RBFOX1: variants seen among roughly 807,000 people sequenced by gnomAD.
RBFOX1 encodes the protein RNA binding protein fox-1 homolog 1.
Under a neutral mutation model 57.7 loss-of-function variants are expected in RBFOX1, and 8 were observed. The observed-to-expected ratio is 0.14, with a 90% CI of 0.08 to 0.25. RBFOX1 has a LOEUF of 0.25. Ranked by LOEUF, RBFOX1 falls within the 10% of genes least tolerant of loss-of-function variation. The pLI is 1.00. For synonymous variants in RBFOX1, 326 were observed against 222.4 expected, an observed-to-expected ratio of 1.47 and a Z score of -4.15; for missense variants, 611 against 548.5, an observed-to-expected ratio of 1.11 and a Z score of -1.14.
At chr16:6,214,659 G>T (rs1205499396) in intron 1 of RBFOX1, among the ~76,000 whole-genome samples, 3 of 130,116 alleles carry the variant, frequency 2.3e-5, no homozygotes, top group Non-Finnish European at 3.3e-5. Context: ...GGGAGAGAGG[G>T]AGAAGGAGAG....
intron 1 of RBFOX1, among the ~76,000 whole-genome samples, chr16:6,138,866 C>G (rs143001992): frequency 6.6e-6 from 1 of 152,026 alleles, no homozygotes; most frequent in South Asian, 2.1e-4. Flanking sequence ...GGCTCCGTCT[C>G]AAATAAATAA....
intron 10 of RBFOX1, among the ~76,000 whole-genome samples, chr16:7,630,131 C>T (rs773643594): frequency 2.6e-5 from 4 of 151,894 alleles, no homozygotes; most frequent in Non-Finnish European, 4.4e-5. Context: ...GGTACGTCTC[C>T]AGTCATATGA....
chr16:7,379,288 C>T (rs1268234858), intron 4 of RBFOX1, among the ~76,000 whole-genome samples: 3 of 152,170 alleles, frequency 2.0e-5, no homozygotes, highest in African/African-American at 7.2e-5. Context: ...CTGCCTCTTT[C>T]TGTCCAAAAG....
At chr16:6,734,648 G>A (rs1395994915) in intron 3 of RBFOX1, among the ~76,000 whole-genome samples, 2 of 152,134 alleles carry the variant, frequency 1.3e-5, no homozygotes, top group Non-Finnish European at 2.9e-5. Context: ...CTTTGTGATA[G>A]TTTCTCCTCT....
intron 2 of RBFOX1, among the ~76,000 whole-genome samples, chr16:6,394,616 A>C (rs1039011488): frequency 6.6e-6 from 1 of 151,776 alleles, no homozygotes; most frequent in African/African-American, 2.4e-5. Context: ...TTCCTGGATA[A>C]ACAACTAGGT....
At chr16:5,586,563 T>G (rs1054752050) in intron 2 of RBFOX1, among the ~76,000 whole-genome samples, 1 of 152,222 alleles carries the variant, frequency 6.6e-6, no homozygotes. Flanking sequence ...AGTGGCATGA[T>G]TATAACTCAC....
At chr16:7,622,038 C>T (rs1256140577) in intron 10 of RBFOX1, among the ~76,000 whole-genome samples, 1 of 151,986 alleles carries the variant, frequency 6.6e-6, no homozygotes, top group African/African-American at 2.4e-5. Context: ...CATTTAAAAT[C>T]GTAAAAAGCA....
intron 2 of RBFOX1, among the ~76,000 whole-genome samples, chr16:6,620,555 A>AGCTTT (rs2098214234): frequency 6.6e-6 from 1 of 152,172 alleles, no homozygotes; most frequent in Non-Finnish European, 1.5e-5. Context: ...TGAATCCGGG[A>AGCTTT]GCTATTTTTT....
intron 4 of RBFOX1, among the ~76,000 whole-genome samples, chr16:5,999,223 T>A (rs535571045): frequency 4.6e-5 from 7 of 152,288 alleles, no homozygotes; most frequent in African/African-American, 1.7e-4. Context: ...ACCTCTTCCC[T>A]TCTCCCACCT....
At chr16:6,996,344 T>C (rs1437309876) in intron 3 of RBFOX1, among the ~76,000 whole-genome samples, 1 of 152,160 alleles carries the variant, frequency 6.6e-6, no homozygotes, top group African/African-American at 2.4e-5. Flanking sequence ...ACAGCTCTTT[T>C]TCTGTTCTGT....
chr16:7,031,681 G>A (rs567296407), intron 3 of RBFOX1, among the ~76,000 whole-genome samples: 41 of 152,098 alleles, frequency 2.7e-4, no homozygotes, highest in Non-Finnish European at 3.1e-4. Context: ...TGGGATTGGC[G>A]AGATAATCCA....
intron 3 of RBFOX1, among the ~76,000 whole-genome samples, chr16:6,927,414 C>CAAAAAAAAAAAA (rs1194663760): frequency 7.5e-5 from 4 of 53,140 alleles, no homozygotes; most frequent in African/African-American, 1.1e-4. Context: ...CGCTTTCTCA[C>CAAAAAAAAAAAA]AAAAAAAAAA....
intron 3 of RBFOX1, among the ~76,000 whole-genome samples, chr16:5,606,578 T>C (rs1268222261): frequency 6.6e-6 from 1 of 152,106 alleles, no homozygotes; most frequent in Non-Finnish European, 1.5e-5. Context: ...TTGGAAGGTA[T>C]GCATATGAAT....
At chr16:6,738,929 A>G (rs1430030823) in intron 3 of RBFOX1, among the ~76,000 whole-genome samples, 1 of 152,232 alleles carries the variant, frequency 6.6e-6, no homozygotes, top group Non-Finnish European at 1.5e-5. Context: ...TAAAAATGAC[A>G]TTGAACTTAA....
intron 4 of RBFOX1, among the ~76,000 whole-genome samples, chr16:7,269,204 A>T (rs1327069967): frequency 1.3e-5 from 2 of 152,256 alleles, no homozygotes; most frequent in East Asian, 3.9e-4. Context: ...CACGTTGGTG[A>T]CTTGTTCCAC....
At chr16:7,078,460 A>G (rs142431674) in intron 4 of RBFOX1, among the ~76,000 whole-genome samples, 1,523 of 151,228 alleles carry the variant, frequency 0.01, 30 homozygotes, top group African/African-American at 0.035. Flanking sequence ...CGGTTCTCCT[A>G]CCTCAGTCTC....
chr16:7,559,219 A>C (rs1041689026), intron 5 of RBFOX1, among the ~76,000 whole-genome samples: 26 of 152,228 alleles, frequency 1.7e-4, no homozygotes, highest in African/African-American at 6.3e-4. Context: ...AGTATCAAAT[A>C]GTCAGTGGTG....
At chr16:7,627,124 CTT>C (rs58159930) in intron 10 of RBFOX1, among the ~76,000 whole-genome samples, 1 of 128,386 alleles carries the variant, frequency 7.8e-6, no homozygotes, top group Admixed American at 7.7e-5. Flanking sequence ...CCTCCGCCTC[CTT>C]TTTTTTTTTT....
Position 6,549,811 on chromosome 16 carries a change from G to C in RBFOX1, c.-63-104792G>C, listed in dbSNP as rs370244019. 2.6e-5 allele frequency among the ~76,000 whole-genome samples: 4 copies of C among 152,062 alleles called. No individual in the cohort carries two copies. The East Asian group carries it at 5.8e-4, about 22-fold the overall frequency. On this transcript the variant is annotated intron_variant, in intron 2 of 15. Coordinates refer to ENST00000550418, the MANE Select transcript of RBFOX1 (RefSeq NM_018723.4). Reference sequence around the variant, plus strand: ...AATGGGGCAAGGGTGGTTTTCCAAAGTAAAAGATTTTAGGTCGATCCTAAA... The same window carrying C: ...AATGGGGCAAGGGTGGTTTTCCAAACTAAAAGATTTTAGGTCGATCCTAAA...
Sources: allele counts gnomAD v4.1 joint callset (sites outside exome capture counted in the v4.1 genomes callset), GRCh38; gene constraint gnomAD v4.1.1; transcripts MANE v1.5; gene names NCBI Gene and HGNC (gene_info 2026-07-23, HGNC 2026-07-21).